Variants in LRRTM2 observed in about 807,000 individuals in gnomAD.
LRRTM2 encodes the protein leucine rich repeat transmembrane neuronal 2.
Under a neutral mutation model 40.7 loss-of-function variants are expected in LRRTM2, and 14 were observed. The ratio of observed to expected loss-of-function variants is 0.34; its 90% CI spans 0.23 to 0.54. The LOEUF (loss-of-function observed/expected upper bound fraction) is 0.54. Ranked by LOEUF, LRRTM2 falls within the 20% of genes least tolerant of loss-of-function variation. The pLI, the probability that LRRTM2 is intolerant of heterozygous loss-of-function variation, is 0.92. For synonymous variants in LRRTM2, 223 were observed against 237.6 expected, an observed-to-expected ratio of 0.94 and a Z score of 0.57; for missense variants, 468 against 624.4, an observed-to-expected ratio of 0.75 and a Z score of 2.67.
Position 138,874,964 on chromosome 5 carries a change from A to G in LRRTM2, c.-53T>C, listed in dbSNP as rs750151529. The G allele has an allele frequency of 9.4e-5, 151 of 1,597,976 alleles. 2 individuals are homozygous for G. The East Asian group carries it at 3.3e-3, about 35-fold the overall frequency. On this transcript the variant is annotated 5_prime_UTR_variant, in exon 1 of 2. Coordinates refer to ENST00000274711, the MANE Select transcript of LRRTM2 (RefSeq NM_015564.3). This position sits in a 1 kb window ranked among gnomAD's most constrained non-coding sequence, Gnocchi z 4.1. ...CAGTCGCGGTTGTTAGACTCAACGC[A>G]GTGAGTCTGTAAAAGGCTCTAACAT...
Position 138,874,689 on chromosome 5 carries a change from C to A in LRRTM2, c.5-133G>T. 1 of 750,940 alleles carries A rather than the reference C, an allele frequency of 1.3e-6. No individual in the cohort carries two copies. The highest frequency in any genetic ancestry group is 2.1e-6 in the Non-Finnish European group (1 of 474,562). 46.5% of individuals were successfully genotyped at this position (750,940 alleles called of 1,614,324 possible). A position where few individuals can be genotyped will look rare whatever the true frequency, so the allele number is the denominator to read the frequency against. ...CTGCATATAACTTATTTTTCATTTA[C>A]TGCAGAAAAATTAACCTTATTGGTA... is the stretch of plus-strand genomic sequence containing the variant. On this transcript the variant is annotated intron_variant, in intron 1 of 1. Coordinates refer to ENST00000274711, the MANE Select transcript of LRRTM2 (RefSeq NM_015564.3). This position sits in a 1 kb window ranked among gnomAD's most constrained non-coding sequence, Gnocchi z 4.1.
rs1468424052 is a variant in LRRTM2 at position 138,870,452 on chromosome 5, A to G, written c.*2558T>C. 1 of 152,264 alleles carries G rather than the reference A, an allele frequency of 6.6e-6. No individual in the cohort carries two copies. Among genetic ancestry groups the G allele is most frequent in the Admixed American group, 6.5e-5 (1 of 15,290 alleles). 9.4% of individuals were successfully genotyped at this position (152,264 alleles called of 1,614,324 possible). On this transcript the variant is annotated 3_prime_UTR_variant, in exon 2 of 2. Transcript: ENST00000274711. ...AGGCAAAAAATTTTGATTTTTTTCA[A>G]CTGGAAAGTATGCCTCGCTAGCCTT...
In LRRTM2 at chr5:138,874,397, A is replaced by G. The variant is rs1179069187; in HGVS notation, c.164T>C (p.Val55Ala). 2 of 1,613,818 alleles carry G rather than the reference A, an allele frequency of 1.2e-6. No homozygotes were observed. The highest frequency in any genetic ancestry group is 2.7e-5 in the African/African-American group (2 of 74,898). The change falls in exon 2 of 2, where the codon GTG becomes GCG. Residue 55 changes from valine to alanine, a missense_variant. Transcript: ENST00000274711. This position sits in a 1 kb window ranked among gnomAD's most constrained non-coding sequence, Gnocchi z 4.1. ...FYCDSQGFHSVPNATDKGSLG... is the reference protein window; with the variant it reads ...FYCDSQGFHSAPNATDKGSLG... ...AGAGCCCTTGTCTGTGGCGTTTGGC[A>G]CTGAGTGGAAGCCCTGAGAGTCGCA...
In LRRTM2 at chr5:138,872,922, C is replaced by T; in HGVS notation, c.*88G>A. The stretch of plus-strand genomic sequence containing the variant: ...TAGTTTGGAAAATTAGGCTTAATGT[C>T]ACCATTGGTAAAAATTAGATATGTA... On this transcript the variant is annotated 3_prime_UTR_variant, in exon 2 of 2. Transcript: ENST00000274711. 1.1e-6 allele frequency: 1 copy of T among 939,956 alleles called. No individual in the cohort carries two copies. The highest frequency in any genetic ancestry group is 2.4e-5 in the South Asian group (1 of 42,286). 58.2% of individuals were successfully genotyped at this position (939,956 alleles called of 1,614,324 possible).
Position 138,874,702 on chromosome 5 carries a change from A to G in LRRTM2, c.5-146T>C. 2 of 740,240 alleles carry G rather than the reference A, an allele frequency of 2.7e-6. No homozygotes were observed. The highest frequency in any genetic ancestry group is 4.3e-6 in the Non-Finnish European group (2 of 463,634). The allele number at this position is 740,240 out of a possible 1,614,324, so 45.9% of individuals were successfully genotyped here. A position where few individuals can be genotyped will look rare whatever the true frequency, so the allele number is the denominator to read the frequency against. ...ATTTTTCATTTACTGCAGAAAAATT[A>G]ACCTTATTGGTATGACTGGACCAAA... On this transcript the variant is annotated intron_variant, in intron 1 of 1. Coordinates refer to ENST00000274711, the MANE Select transcript of LRRTM2 (RefSeq NM_015564.3). The surrounding 1 kb of genome is among the most constrained non-coding windows in gnomAD (Gnocchi z 4.1).
Position 138,874,965 on chromosome 5 carries a change from G to GT in LRRTM2, c.-55dup, listed in dbSNP as rs1561625420. 1 of 1,596,874 alleles carries GT rather than the reference G, an allele frequency of 6.3e-7. No individual in the cohort carries two copies. The highest frequency in any genetic ancestry group is 1.7e-5 in the Admixed American group (1 of 59,884). On this transcript the variant is annotated 5_prime_UTR_variant, in exon 1 of 2. The change abolishes the stop of an existing upstream ORF in the 5' untranslated region. Coordinates refer to ENST00000274711, the MANE Select transcript of LRRTM2 (RefSeq NM_015564.3). The surrounding 1 kb of genome is among the most constrained non-coding windows in gnomAD (Gnocchi z 4.1). ...AGTCGCGGTTGTTAGACTCAACGCA[G>GT]TGAGTCTGTAAAAGGCTCTAACATG...
At position 138,870,192 on chromosome 5, in the gene LRRTM2, C is replaced by T. The variant is rs1281481206; in HGVS notation, c.*2818G>A. 1.3e-5 allele frequency: 2 copies of T among 152,198 alleles called. No homozygotes were observed. Among genetic ancestry groups the T allele is most frequent in the Non-Finnish European group, 2.9e-5 (2 of 68,040 alleles). The allele number at this position is 152,198 out of a possible 1,614,324, so 9.4% of individuals were successfully genotyped here. ...GACACTGTGTAACCAAGATCCGCAGCGTTGCTGTGATGCTGTTCCGTTCTA... is the reference window on the plus strand; with the variant it reads ...GACACTGTGTAACCAAGATCCGCAGTGTTGCTGTGATGCTGTTCCGTTCTA... On this transcript the variant is annotated 3_prime_UTR_variant, in exon 2 of 2. Transcript: ENST00000274711.
Position 138,870,601 on chromosome 5 carries a change from G to A in LRRTM2, c.*2409C>T, listed in dbSNP as rs1295917243. 1 of 152,108 alleles carries A rather than the reference G, an allele frequency of 6.6e-6. No homozygotes were observed. Among genetic ancestry groups the A allele is most frequent in the Non-Finnish European group, 1.5e-5 (1 of 68,028 alleles). The allele number at this position is 152,108 out of a possible 1,614,324, so 9.4% of individuals were successfully genotyped here. ...AGGTGGAGATTCCCAGCCAAAGAAG[G>A]GGATTTCTTACCCATCCCACAGTTT... On this transcript the variant is annotated 3_prime_UTR_variant, in exon 2 of 2. Transcript: ENST00000274711.
Position 138,874,476 on chromosome 5 carries a change from C to T in LRRTM2, c.85G>A (p.Ala29Thr). 3 of 1,612,674 alleles carry T rather than the reference C, an allele frequency of 1.9e-6. No homozygotes were observed. Among genetic ancestry groups the T allele is most frequent in the Non-Finnish European group, 2.5e-6 (3 of 1,179,278 alleles). ...AMSMVLKMLP[A>T]LGMACPPKCR... Reference sequence around the variant, plus strand: ...TTGGGTGGACACGCCATACCCAGGGCAGGCAGCATTTTTAAAACCATACTC... The same window carrying T: ...TTGGGTGGACACGCCATACCCAGGGTAGGCAGCATTTTTAAAACCATACTC... The change falls in exon 2 of 2, where the codon GCC (alanine) becomes ACC (threonine). Residue 29 changes from alanine to threonine, a missense_variant. Physicochemically the swap from Ala to Thr is moderately conservative, Grantham distance 58. Transcript: ENST00000274711. This position sits in a 1 kb window ranked among gnomAD's most constrained non-coding sequence, Gnocchi z 4.1.
chr5:138,874,305 G>T lies in LRRTM2; in HGVS notation c.256C>A (p.Gln86Lys). ...LERDQFASFSQLTWLHLDHNQ... is the reference protein window; with the variant it reads ...LERDQFASFSKLTWLHLDHNQ... Reference sequence around the variant, plus strand: ...TGATCTAAGTGGAGCCAAGTAAGTTGACTGAAGCTGGCAAATTGATCTCTT... The same window carrying T: ...TGATCTAAGTGGAGCCAAGTAAGTTTACTGAAGCTGGCAAATTGATCTCTT... Residue 86 changes from glutamine (Q) to lysine (K), a missense_variant, in exon 2 of 2, where the codon CAA (glutamine) becomes AAA (lysine). Gln to Lys is a moderately conservative substitution (Grantham distance 53). Coordinates refer to ENST00000274711, the MANE Select transcript of LRRTM2 (RefSeq NM_015564.3). This position sits in a 1 kb window ranked among gnomAD's most constrained non-coding sequence, Gnocchi z 4.1. 6.2e-7 allele frequency: 1 copy of T among 1,614,006 alleles called. No individual in the cohort carries two copies. The highest frequency in any genetic ancestry group is 1.1e-5 in the South Asian group (1 of 91,050).
Position 138,873,181 on chromosome 5 carries a change from C to T in LRRTM2, c.1380G>A (p.Met460Ile), listed in dbSNP as rs764220122. ...PTLRRIRQCSMVQNHRQLRSQ... is the reference protein window; with the variant it reads ...PTLRRIRQCSIVQNHRQLRSQ... ...ATCGGAGCTGCCTGTGGTTCTGAAC[C>T]ATTGAGCACTGCCTAATTCTTCTTA... Residue 460 changes from methionine to isoleucine, a missense_variant, in exon 2 of 2, where the codon ATG becomes ATA. Physicochemically the swap from Met to Ile is conservative, Grantham distance 10 (BLOSUM62 1). Transcript: ENST00000274711. The surrounding 1 kb of genome is among the most constrained non-coding windows in gnomAD (Gnocchi z 6.1). 6.2e-7 allele frequency: 1 copy of T among 1,613,940 alleles called. No homozygotes were observed. The highest frequency in any genetic ancestry group is 8.5e-7 in the Non-Finnish European group (1 of 1,179,880).
In LRRTM2 at chr5:138,873,685, A is replaced by G. The variant is rs1380224251; in HGVS notation, c.876T>C (p.Leu292=). 8 of 1,614,038 alleles carry G rather than the reference A, an allele frequency of 5.0e-6. No individual in the cohort carries two copies. Among genetic ancestry groups the G allele is most frequent in the Non-Finnish European group, 6.8e-6 (8 of 1,179,894 alleles). ...LLMDNNKLNS[L]DSKILNSLRS... is the part of the protein sequence containing the mutation. ...TCAGGGAGTTTAAGATCTTGGAATCAAGGCTGTTTAACTTGTTGTTATCCA... is the reference window on the plus strand; with the variant it reads ...TCAGGGAGTTTAAGATCTTGGAATCGAGGCTGTTTAACTTGTTGTTATCCA... Residue 292 remains leucine, a synonymous_variant, in exon 2 of 2, where the codon CTT becomes CTC. Coordinates refer to ENST00000274711, the MANE Select transcript of LRRTM2 (RefSeq NM_015564.3). This position sits in a 1 kb window ranked among gnomAD's most constrained non-coding sequence, Gnocchi z 6.1.
chr5:138,875,010 T>C lies in LRRTM2; in HGVS notation c.-99A>G. ...AACATGTAGGAGCCTTTGACCAGTTTCCTGTTTTCTGTGTCCCAGGCTTTC... is the reference window on the plus strand; with the variant it reads ...AACATGTAGGAGCCTTTGACCAGTTCCCTGTTTTCTGTGTCCCAGGCTTTC... On this transcript the variant is annotated 5_prime_UTR_variant, in exon 1 of 2. Transcript: ENST00000274711. 8.0e-6 allele frequency: 10 copies of C among 1,244,324 alleles called. No homozygotes were observed. In the South Asian group the frequency reaches 1.3e-4, roughly 16 times the overall value. 77.1% of individuals were successfully genotyped at this position (1,244,324 alleles called of 1,614,324 possible). A position where few individuals can be genotyped will look rare whatever the true frequency, so the allele number is the denominator to read the frequency against.
rs903764943 is a variant in LRRTM2, at chr5:138,870,989, G to T, written c.*2021C>A. On this transcript the variant is annotated 3_prime_UTR_variant, in exon 2 of 2. Transcript: ENST00000274711. ...GGCTGAGACTTTGACAAACTAATCT[G>T]CCCACCTTAAAAAAGAGCACATTTT... is the stretch of plus-strand genomic sequence containing the variant. The T allele has an allele frequency of 6.6e-6, 1 of 152,050 alleles. No individual in the cohort carries two copies. Among genetic ancestry groups the T allele is most frequent in the Non-Finnish European group, 1.5e-5 (1 of 68,018 alleles). The allele number at this position is 152,050 out of a possible 1,614,324, so 9.4% of individuals were successfully genotyped here.
chr5:138,870,010 A>G lies in LRRTM2; in HGVS notation c.*3000T>C, dbSNP rs1445208592. On this transcript the variant is annotated 3_prime_UTR_variant, in exon 2 of 2. Coordinates refer to ENST00000274711, the MANE Select transcript of LRRTM2 (RefSeq NM_015564.3). ...ACTAGTTCTTGGTTTCTAGATGGGTATGGTATCATAGTCTTCTTTAGCTTT... is the reference window on the plus strand; with the variant it reads ...ACTAGTTCTTGGTTTCTAGATGGGTGTGGTATCATAGTCTTCTTTAGCTTT... 1 of 152,592 alleles carries G rather than the reference A, an allele frequency of 6.6e-6. No homozygotes were observed. 9.5% of individuals were successfully genotyped at this position (152,592 alleles called of 1,614,324 possible). A position where few individuals can be genotyped will look rare whatever the true frequency, so the allele number is the denominator to read the frequency against.
chr5:138,873,989 T>G lies in LRRTM2; in HGVS notation c.572A>C (p.Asn191Thr). Residue 191 changes from asparagine to threonine, a missense_variant, in exon 2 of 2, where the codon AAT becomes ACT. Transcript: ENST00000274711. The surrounding 1 kb of genome is among the most constrained non-coding windows in gnomAD (Gnocchi z 6.1). ...RSLEFLDLSTNRLRSLARNGF... is the reference protein window; with the variant it reads ...RSLEFLDLSTTRLRSLARNGF... Reference sequence around the variant, plus strand: ...ATTGCGAGCCAAACTTCGCAAACGATTTGTGCTCAAATCCAGAAACTCCAG... The same window carrying G: ...ATTGCGAGCCAAACTTCGCAAACGAGTTGTGCTCAAATCCAGAAACTCCAG... 1 of 1,613,988 alleles carries G rather than the reference T, an allele frequency of 6.2e-7. No individual in the cohort carries two copies. The highest frequency in any genetic ancestry group is 1.1e-5 in the South Asian group (1 of 91,082).
Position 138,874,603 on chromosome 5 carries a change from G to A in LRRTM2, c.5-47C>T. 1 of 1,226,258 alleles carries A rather than the reference G, an allele frequency of 8.2e-7. No individual in the cohort carries two copies. 76.0% of individuals were successfully genotyped at this position (1,226,258 alleles called of 1,614,324 possible). On this transcript the variant is annotated intron_variant, in intron 1 of 1. Coordinates refer to ENST00000274711, the MANE Select transcript of LRRTM2 (RefSeq NM_015564.3). This position sits in a 1 kb window ranked among gnomAD's most constrained non-coding sequence, Gnocchi z 4.1. ...AAACAAGAAGATAGGATATTTTTCA[G>A]CAGAACATATGGGCTATTTAAAAAA...
In LRRTM2 at chr5:138,871,251, C is replaced by T. The variant is rs939927474; in HGVS notation, c.*1759G>A. On this transcript the variant is annotated 3_prime_UTR_variant, in exon 2 of 2. Transcript: ENST00000274711. ...ACTTGAAAAATGGTAGTGGCTTTCT[C>T]TAAGGTTTTATGTCTTTTTTCTACA... is the stretch of plus-strand genomic sequence containing the variant. 6.6e-5 allele frequency: 10 copies of T among 152,078 alleles called. No individual in the cohort carries two copies. The highest frequency in any genetic ancestry group is 2.4e-4 in the African/African-American group (10 of 41,420). The allele number at this position is 152,078 out of a possible 1,614,324, so 9.4% of individuals were successfully genotyped here.
Position 138,874,639 on chromosome 5 carries a change from A to G in LRRTM2, c.5-83T>C, listed in dbSNP as rs1382075499. On this transcript the variant is annotated intron_variant, in intron 1 of 1. Transcript: ENST00000274711. This position sits in a 1 kb window ranked among gnomAD's most constrained non-coding sequence, Gnocchi z 4.1. ...GGGCTATTTAAAAAAAACAACCACC[A>G]CCAACATTATAGCAAAAGATTTCAC... The G allele has an allele frequency of 1.1e-6, 1 of 874,052 alleles. No homozygotes were observed. The highest frequency in any genetic ancestry group is 1.7e-6 in the Non-Finnish European group (1 of 583,148). The allele number at this position is 874,052 out of a possible 1,614,324, so 54.1% of individuals were successfully genotyped here.
Sources: allele counts gnomAD v4.1 joint callset, GRCh38; gene constraint gnomAD v4.1.1; non-coding constraint Gnocchi (gnomAD v3.1); transcripts MANE v1.5; gene names NCBI Gene and HGNC (gene_info 2026-07-23, HGNC 2026-07-21).